PCNX4: variants seen among roughly 807,000 people sequenced by gnomAD.
PCNX4 encodes pecanex-like protein 4.
PCNX4 carries 103 observed loss-of-function variants against 107.2 expected under a neutral mutation model. That is an observed-to-expected ratio of 0.96 (90% CI 0.82 to 1.13). The LOEUF is 1.13. PCNX4 is among the 50% of genes most tolerant of loss of function. PCNX4 has a pLI of 0.00. For synonymous variants in PCNX4, 541 were observed against 481.7 expected, an observed-to-expected ratio of 1.12 and a Z score of -1.61; for missense variants, 1,528 against 1,379.4, an observed-to-expected ratio of 1.11 and a Z score of -1.71.
chr14:60,115,178 C>G lies in PCNX4; in HGVS notation c.1074C>G (p.Phe358Leu). 1 of 1,613,474 alleles carries G rather than the reference C, an allele frequency of 6.2e-7. No individual in the cohort carries two copies. Among genetic ancestry groups the G allele is most frequent in the South Asian group, 1.1e-5 (1 of 91,062 alleles). ...EKHFSWKECL[F>L]YIIILVLALL... ...ATTTTTCATGGAAGGAATGCCTTTT[C>G]TACATCATTATATTAGTCTTGGCTC... Residue 358 changes from phenylalanine to leucine, a missense_variant, in exon 4 of 11, where the codon TTC becomes TTG. Physicochemically the swap from Phe to Leu is conservative, Grantham distance 22 (BLOSUM62 0). Transcript: ENST00000406854.
chr14:60,102,879 G>T (rs1397463456), intron 1 of PCNX4, among the ~76,000 whole-genome samples: 10 of 152,056 alleles, frequency 6.6e-5, no homozygotes. Flanking sequence ...AGATTTCTTT[G>T]TATAAATGAA....
At chr14:60,131,954 G>A (rs1269640565) in intron 10 of PCNX4, among the ~76,000 whole-genome samples, 1 of 152,156 alleles carries the variant, frequency 6.6e-6, no homozygotes, top group Non-Finnish European at 1.5e-5. Context: ...ATCATCTTCC[G>A]ATAGCAACAT....
chr14:60,114,804 A>G lies in PCNX4; in HGVS notation c.794A>G (p.Asp265Gly). Reference sequence around the variant, plus strand: ...GCACTTGGGACTCTGCCCCCACCCGATGCACTTCTCTTATGGGCAATGGAG... The same window carrying G: ...GCACTTGGGACTCTGCCCCCACCCGGTGCACTTCTCTTATGGGCAATGGAG... ...LWALGTLPPPDALLLWAMEQV... is the reference protein window; with the variant it reads ...LWALGTLPPPGALLLWAMEQV... The change falls in exon 3 of 11, where the codon GAT (aspartate) becomes GGT (glycine). Residue 265 changes from aspartate to glycine, a missense_variant. Physicochemically the swap from Asp to Gly is moderately conservative, Grantham distance 94. Transcript: ENST00000406854. The G allele has an allele frequency of 1.2e-6, 2 of 1,613,728 alleles. No individual in the cohort carries two copies. Among genetic ancestry groups the G allele is most frequent in the Non-Finnish European group, 8.5e-7 (1 of 1,179,820 alleles).
rs1468479972 is a variant in PCNX4 at position 60,137,032 on chromosome 14, GCATTCATACCAA to G, written c.*2813_*2824del. On this transcript the variant is annotated 3_prime_UTR_variant, in exon 11 of 11. Coordinates refer to ENST00000406854, the MANE Select transcript of PCNX4 (RefSeq NM_001330177.2). ...TTTTCTACTTCTAACTTTTAGTGGT[GCATTCATACCAA>G]CTATTTCAGAGAACTAGCAATGCCA... 4.6e-5 allele frequency: 7 copies of G among 152,164 alleles called. No homozygotes were observed. Among genetic ancestry groups the G allele is most frequent in the Non-Finnish European group, 8.8e-5 (6 of 68,026 alleles). 9.4% of individuals were successfully genotyped at this position (152,164 alleles called of 1,614,324 possible).
chr14:60,123,309 T>C (rs1187863616), intron 8 of PCNX4, among the ~76,000 whole-genome samples: 2 of 152,112 alleles, frequency 1.3e-5, no homozygotes, highest in Admixed American at 6.6e-5. Context: ...TTAACAATTA[T>C]ATTAATACTT....
rs1896293330 is a variant in PCNX4 at position 60,140,390 on chromosome 14, C to T, written c.*6169C>T. On this transcript the variant is annotated 3_prime_UTR_variant, in exon 11 of 11. Coordinates refer to ENST00000406854, the MANE Select transcript of PCNX4 (RefSeq NM_001330177.2). This position sits in a 1 kb window ranked among gnomAD's most constrained non-coding sequence, Gnocchi z 4.2. ...GCTTTTCCATAGTGAAACAACAAGC[C>T]TAGATGGATTGATTCGTCAATGGAA... 1 of 152,110 alleles carries T rather than the reference C, an allele frequency of 6.6e-6. No individual in the cohort carries two copies. Among genetic ancestry groups the T allele is most frequent in the Non-Finnish European group, 1.5e-5 (1 of 68,016 alleles). The allele number at this position is 152,110 out of a possible 1,614,324, so 9.4% of individuals were successfully genotyped here. A position where few individuals can be genotyped will look rare whatever the true frequency, so the allele number is the denominator to read the frequency against.
chr14:60,107,843 G>T lies in PCNX4; in HGVS notation c.205G>T (p.Asp69Tyr). The T allele has an allele frequency of 6.2e-7, 1 of 1,612,824 alleles. No homozygotes were observed. Among genetic ancestry groups the T allele is most frequent in the East Asian group, 2.2e-5 (1 of 44,882 alleles). The part of the protein sequence containing the change: ...TLLYQLGILK[D>Y]YYTAALSGGL... The stretch of plus-strand genomic sequence containing the variant: ...TTTATACCAGTTAGGCATCCTGAAA[G>T]ACTATTATACAGCAGCACTTTCAGG... Residue 69 changes from aspartate to tyrosine, a missense_variant, in exon 2 of 11, where the codon GAC becomes TAC. Physicochemically the swap from Asp to Tyr is radical, Grantham distance 160 (BLOSUM62 -3). Transcript: ENST00000406854.
intron 7 of PCNX4, 105 bp downstream of exon 7, chr14:60,118,797 A>G (rs1046344954): frequency 8.1e-7 from 1 of 1,239,370 alleles, no homozygotes; most frequent in African/African-American, 1.5e-5. Context: ...AGATAGCATA[A>G]CAACCATAAC....
chr14:60,130,453 GA>G (rs1352553843), intron 10 of PCNX4, among the ~76,000 whole-genome samples: 3 of 152,040 alleles, frequency 2.0e-5, no homozygotes, highest in African/African-American at 4.8e-5. Context: ...GAACATCTAT[GA>G]AAAACTCACA....
At chr14:60,129,232 C>T (rs1009928960) in intron 10 of PCNX4, among the ~76,000 whole-genome samples, 2 of 135,422 alleles carry the variant, frequency 1.5e-5, no homozygotes, top group African/African-American at 6.2e-5. Context: ...AAGAGCGAGA[C>T]TCCATCTCAA....
At chr14:60,112,812 A>T (rs1255253906) in intron 2 of PCNX4, among the ~76,000 whole-genome samples, 1 of 152,210 alleles carries the variant, frequency 6.6e-6, no homozygotes, top group Non-Finnish European at 1.5e-5. Context: ...CTCAGAATGA[A>T]ATGAATTTTA....
In PCNX4 at chr14:60,135,762, G is replaced by A. The variant is rs1443554325; in HGVS notation, c.*1541G>A. 6.6e-6 allele frequency: 1 copy of A among 152,202 alleles called. No homozygotes were observed. Among genetic ancestry groups the A allele is most frequent in the Non-Finnish European group, 1.5e-5 (1 of 68,076 alleles). 9.4% of individuals were successfully genotyped at this position (152,202 alleles called of 1,614,324 possible). ...AGACAGAGTTTCACCATGTTGGCCAGGCTGGTCTCGAACTCTTGACCTCAT... is the reference window on the plus strand; with the variant it reads ...AGACAGAGTTTCACCATGTTGGCCAAGCTGGTCTCGAACTCTTGACCTCAT... On this transcript the variant is annotated 3_prime_UTR_variant, in exon 11 of 11. Transcript: ENST00000406854.
rs1213174049 is a variant in PCNX4 at position 60,134,829 on chromosome 14, G to T, written c.*608G>T. 2 of 152,222 alleles carry T rather than the reference G, an allele frequency of 1.3e-5. No individual in the cohort carries two copies. The highest frequency in any genetic ancestry group is 4.8e-5 in the African/African-American group (2 of 41,396). The allele number at this position is 152,222 out of a possible 1,614,324, so 9.4% of individuals were successfully genotyped here. A position where few individuals can be genotyped will look rare whatever the true frequency, so the allele number is the denominator to read the frequency against. Reference sequence around the variant, plus strand: ...CTTTTCAAATATCCTTCTAATATATGTGAAAGGAGCGGGGTTCATCCCATT... The same window carrying T: ...CTTTTCAAATATCCTTCTAATATATTTGAAAGGAGCGGGGTTCATCCCATT... On this transcript the variant is annotated 3_prime_UTR_variant, in exon 11 of 11. Transcript: ENST00000406854.
rs778771405 is a variant in PCNX4, at chr14:60,124,736, A to G, written c.2565A>G (p.Gly855=). ...DLPGTNLFIP[G]SVESQRVGDH... ...CAGGTACAAATTTGTTTATTCCAGG[A>G]TCAGTAGAATCACAGAGGGTTGGTG... The change falls in exon 9 of 11, where the codon GGA becomes GGG. Residue 855 remains glycine (G), a synonymous_variant. Transcript: ENST00000406854. The G allele has an allele frequency of 2.6e-5, 42 of 1,613,030 alleles. No homozygotes were observed. Among genetic ancestry groups the G allele is most frequent in the Admixed American group, 3.3e-5 (2 of 60,002 alleles).
intron 1 of PCNX4, 80 bp from the exon 2 acceptor site, chr14:60,107,506 A>C (rs1895650121): frequency 1.3e-6 from 1 of 757,852 alleles, no homozygotes; most frequent in Non-Finnish European, 2.1e-6. Flanking sequence ...TGAGGAGATG[A>C]AATAGTAATG....
chr14:60,133,583 A>G (rs898276828), intron 10 of PCNX4: 3 of 442,538 alleles, frequency 6.8e-6, no homozygotes, highest in Non-Finnish European at 1.3e-5. Context: ...TGTGAATTAT[A>G]TGGAATGTGA....
chr14:60,123,480 C>G (rs1245513482), intron 8 of PCNX4, among the ~76,000 whole-genome samples: 9 of 149,496 alleles, frequency 6.0e-5, no homozygotes, highest in Non-Finnish European at 1.3e-4. Flanking sequence ...GGCACTGACA[C>G]CTTTGTAAAA....
In PCNX4 at chr14:60,141,562, C is replaced by T. The variant is rs1486561224; in HGVS notation, c.*7341C>T. ...TCTTGAAAACCACAAACTATTAAAACTCAACCAAGATGAAATAATCTGAAT... is the reference window on the plus strand; with the variant it reads ...TCTTGAAAACCACAAACTATTAAAATTCAACCAAGATGAAATAATCTGAAT... On this transcript the variant is annotated 3_prime_UTR_variant, in exon 11 of 11. Transcript: ENST00000406854. The T allele has an allele frequency of 1.3e-5, 2 of 152,140 alleles. No homozygotes were observed. Among genetic ancestry groups the T allele is most frequent in the African/African-American group, 2.4e-5 (1 of 41,448 alleles). The allele number at this position is 152,140 out of a possible 1,614,324, so 9.4% of individuals were successfully genotyped here.
At chr14:60,094,098 A>G (rs959112159) in intron 1 of PCNX4, among the ~76,000 whole-genome samples, 5 of 152,196 alleles carry the variant, frequency 3.3e-5, no homozygotes, top group East Asian at 3.9e-4. Flanking sequence ...TAGTCTAGCT[A>G]TAAGTCATAT....
Sources: allele counts gnomAD v4.1 joint callset (sites outside exome capture counted in the v4.1 genomes callset), GRCh38; gene constraint gnomAD v4.1.1; non-coding constraint Gnocchi (gnomAD v3.1); transcripts MANE v1.5; gene names NCBI Gene and HGNC (gene_info 2026-07-23, HGNC 2026-07-21).